PDCD11: variants seen among roughly 807,000 people sequenced by gnomAD.
PDCD11 encodes the protein programmed cell death 11.
In PDCD11, 97 loss-of-function variants were observed where a neutral mutation model predicts 198.9. The observed-to-expected ratio is 0.49, with a 90% CI of 0.41 to 0.58. PDCD11 has a LOEUF of 0.58. PDCD11 is among the 20% of genes least tolerant of loss of function. The probability of loss-of-function intolerance (pLI) is 0.00; values close to 1 mark genes in which losing one functional copy is unlikely to be tolerated. For synonymous variants in PDCD11, 893 were observed against 918.0 expected (o/e 0.97, Z 0.49); for missense variants, 2,102 against 2,312.7 (o/e 0.91, Z 1.87).
Position 103,413,992 on chromosome 10 carries a change from C to T in PDCD11, c.1212C>T (p.Asn404=), listed in dbSNP as rs752606049. The change falls in exon 10 of 36, where the codon AAC becomes AAT. Residue 404 remains asparagine (N), a synonymous_variant. Transcript: ENST00000369797. ...TCAGCCATCTCTCTGATTCTAAGAA[C>T]GTCTTCAATCCTGAGGCCTTCAAGC... ...ARLSHLSDSK[N]VFNPEAFKPG... is the part of the protein sequence containing the mutation. 5.6e-5 allele frequency: 90 copies of T among 1,612,716 alleles called. No individual in the cohort carries two copies. The highest frequency in any genetic ancestry group is 1.1e-4 in the East Asian group (5 of 44,888).
intron 2 of PDCD11, among the ~76,000 whole-genome samples, 173 bp from the exon 3 acceptor site, chr10:103,400,224 C>CG (rs2029926359): frequency 7.0e-6 from 1 of 142,148 alleles, no homozygotes; most frequent in Non-Finnish European, 1.6e-5. Context: ...GCGGCCCCCC[C>CG]CCTTTTTTTT....
intron 18 of PDCD11, 36 bp from the exon 19 acceptor site, chr10:103,423,507 C>G (rs772533884): frequency 8.2e-6 from 12 of 1,471,948 alleles, no homozygotes; most frequent in Non-Finnish European, 1.1e-5. Context: ...TCACTCTGTT[C>G]CAGAAGGATA....
Position 103,442,544 on chromosome 10 carries a change from G to A in PDCD11, c.4955+84G>A, listed in dbSNP as rs530106320. On this transcript the variant is annotated intron_variant, in intron 32 of 35. Coordinates refer to ENST00000369797, the MANE Select transcript of PDCD11 (RefSeq NM_014976.2). Reference sequence around the variant, plus strand: ...TCAACCTGTGGGGTAGCTCCTCCTAGGCAGGCCGGCAGCATTTTGGGTGGC... The same window carrying A: ...TCAACCTGTGGGGTAGCTCCTCCTAAGCAGGCCGGCAGCATTTTGGGTGGC... 5.4e-6 allele frequency: 8 copies of A among 1,492,096 alleles called. No individual in the cohort carries two copies. The African/African-American group carries it at 6.9e-5, about 13-fold the overall frequency. The allele number at this position is 1,492,096 out of a possible 1,614,324, so 92.4% of individuals were successfully genotyped here. A position where few individuals can be genotyped will look rare whatever the true frequency, so the allele number is the denominator to read the frequency against.
rs772049374 is a variant in PDCD11 at position 103,442,199 on chromosome 10, G to T, written c.4708-14G>T. On this transcript the variant is annotated splice_polypyrimidine_tract_variant and intron_variant, in intron 31 of 35. Coordinates refer to ENST00000369797, the MANE Select transcript of PDCD11 (RefSeq NM_014976.2). The stretch of plus-strand genomic sequence containing the variant: ...GGAGCAGATGACTCACGGTGTTTCT[G>T]CTTTCCATAGCAGATAAAGAAAAGC... The T allele has an allele frequency of 6.2e-7, 1 of 1,612,940 alleles. No homozygotes were observed. The highest frequency in any genetic ancestry group is 1.7e-5 in the Admixed American group (1 of 59,954).
chr10:103,443,988 C>T lies in PDCD11; in HGVS notation c.5198C>T (p.Ala1733Val). Residue 1733 changes from alanine (A) to valine (V), a missense_variant, in exon 34 of 36, where the codon GCC (alanine) becomes GTC (valine). By Grantham distance (64) the Ala-to-Val change is moderately conservative. Coordinates refer to ENST00000369797, the MANE Select transcript of PDCD11 (RefSeq NM_014976.2). Reference protein sequence around the residue: ...QEKAVWIKYGAFLLRRSQAAA... With the variant: ...QEKAVWIKYGVFLLRRSQAAA... Reference sequence around the variant, plus strand: ...AAAGCTGTGTGGATCAAATACGGCGCCTTCCTTCTGCGGAGGAGCCAGGCT... The same window carrying T: ...AAAGCTGTGTGGATCAAATACGGCGTCTTCCTTCTGCGGAGGAGCCAGGCT... 6.2e-7 allele frequency: 1 copy of T among 1,613,898 alleles called. No individual in the cohort carries two copies. The highest frequency in any genetic ancestry group is 8.5e-7 in the Non-Finnish European group (1 of 1,180,010).
rs766497631 is a variant in PDCD11, at chr10:103,445,594, G to A, written c.*45G>A. On this transcript the variant is annotated 3_prime_UTR_variant, in exon 36 of 36. Coordinates refer to ENST00000369797, the MANE Select transcript of PDCD11 (RefSeq NM_014976.2). ...GACACTGTCAACAATGGGCCAGCCC[G>A]GCCCCGCCTCGAGTGCCTGGGCACT... 11 of 1,567,340 alleles carry A rather than the reference G, an allele frequency of 7.0e-6. No homozygotes were observed. The highest frequency in any genetic ancestry group is 2.7e-5 in the African/African-American group (2 of 73,728).
chr10:103,428,016 A>G (rs1210811232), intron 21 of PDCD11, among the ~76,000 whole-genome samples: 1 of 152,144 alleles, frequency 6.6e-6, no homozygotes, highest in African/African-American at 2.4e-5. Context: ...CTCCAAAGTA[A>G]CTTCCAGAGC....
In PDCD11 at chr10:103,438,773, T is replaced by C. The variant is rs41287498; in HGVS notation, c.3990T>C (p.Tyr1330=). Residue 1330 remains tyrosine (Y), a synonymous_variant, in exon 27 of 36, where the codon TAT becomes TAC. Transcript: ENST00000369797. ...DIKEGQLLRG[Y]VGSIQPHGVF... ...AGGAAGGGCAGCTTCTGAGGGGCTA[T>C]GTAGGGTCCATCCAGCCACACGGTG... The C allele has an allele frequency of 9.7e-4, 1,571 of 1,614,078 alleles. 2 individuals carry two copies. Among genetic ancestry groups the C allele is most frequent in the Non-Finnish European group, 1.2e-3 (1,412 of 1,180,002 alleles).
At chr10:103,425,610 G>T (rs1056765632) in intron 20 of PDCD11, 85 bp downstream of exon 20, 45 of 1,185,418 alleles carry the variant, frequency 3.8e-5, no homozygotes, top group Non-Finnish European at 5.3e-5. Context: ...GCTCCAAAAA[G>T]TTGCATGTAA....
intron 25 of PDCD11, 58 bp downstream of exon 25, chr10:103,435,033 A>G: frequency 1.5e-6 from 2 of 1,322,826 alleles, no homozygotes. Flanking sequence ...ATTTAAAAAA[A>G]AACGTTGTTG....
chr10:103,419,607 A>G lies in PDCD11; in HGVS notation c.2176A>G (p.Ile726Val), dbSNP rs753849863. ...CCAGGATCCCAAGAACTTCTCAGAA[A>G]TCCATCCTGGAATGCTGCTCATTGG... ...GGQDPKNFSE[I>V]HPGMLLIGFV... The change falls in exon 16 of 36, where the codon ATC (isoleucine) becomes GTC (valine). Residue 726 changes from isoleucine (I) to valine (V), a missense_variant. By Grantham distance (29) the Ile-to-Val change is conservative. Coordinates refer to ENST00000369797, the MANE Select transcript of PDCD11 (RefSeq NM_014976.2). 3 of 1,614,060 alleles carry G rather than the reference A, an allele frequency of 1.9e-6. No homozygotes were observed. Among genetic ancestry groups the G allele is most frequent in the Non-Finnish European group, 2.5e-6 (3 of 1,179,982 alleles).
At chr10:103,408,490 G>T (rs2030596509) in intron 7 of PDCD11, among the ~76,000 whole-genome samples, 1 of 152,026 alleles carries the variant, frequency 6.6e-6, no homozygotes, top group African/African-American at 2.4e-5. Flanking sequence ...AAGTCTATGT[G>T]CCTGTGTGGG....
chr10:103,444,010 G>GGCTGCAGCCAGTCACCGCGT lies in PDCD11; in HGVS notation c.5229_5248dup (p.Arg1750ProfsTer46). ...GCGCCTTCCTTCTGCGGAGGAGCCAGGCTGCAGCCAGTCACCGCGTGCTGC... is the reference window on the plus strand; with the variant it reads ...GCGCCTTCCTTCTGCGGAGGAGCCAGGCTGCAGCCAGTCACCGCGTGCTGCAGCCAGTCACCGCGTGCTGC... On this transcript the variant is annotated frameshift_variant, in exon 34 of 36. Transcript: ENST00000369797. LOFTEE classifies it high-confidence loss of function. 1 of 1,613,296 alleles carries GGCTGCAGCCAGTCACCGCGT rather than the reference G, an allele frequency of 6.2e-7. No individual in the cohort carries two copies. Among genetic ancestry groups the GGCTGCAGCCAGTCACCGCGT allele is most frequent in the Non-Finnish European group, 8.5e-7 (1 of 1,180,034 alleles).
At chr10:103,405,377 G>A (rs915312096) in intron 5 of PDCD11, 194 bp downstream of exon 5, 3 of 484,066 alleles carry the variant, frequency 6.2e-6, no homozygotes, top group Non-Finnish European at 7.3e-6. Flanking sequence ...CATTACATTG[G>A]AGAAGAGAAA....
chr10:103,434,676 A>G (rs2032075656), intron 24 of PDCD11, 122 bp from the exon 25 acceptor site: 5 of 733,042 alleles, frequency 6.8e-6, no homozygotes, highest in African/African-American at 3.6e-5. Flanking sequence ...GTTCTGGATC[A>G]CTCAGCCCAG....
rs2031197989 is a variant in PDCD11 at position 103,417,858 on chromosome 10, T to C, written c.1837T>C (p.Ser613Pro). The change falls in exon 14 of 36, where the codon TCG becomes CCG. Residue 613 changes from serine to proline, a missense_variant. By Grantham distance (74) the Ser-to-Pro change is moderately conservative. Coordinates refer to ENST00000369797, the MANE Select transcript of PDCD11 (RefSeq NM_014976.2). Reference protein sequence around the residue: ...KERMLLSFKLSSDPEPKKEPA... With the variant: ...KERMLLSFKLPSDPEPKKEPA... ...GAGGATGCTCTTATCCTTCAAGCTG[T>C]CGAGTGATCCAGAGCCAAAGAAAGA... The C allele has an allele frequency of 6.2e-7, 1 of 1,614,128 alleles. No homozygotes were observed. Among genetic ancestry groups the C allele is most frequent in the South Asian group, 1.1e-5 (1 of 91,086 alleles).
In PDCD11 at chr10:103,425,289, G is replaced by A. The variant is rs1564769775; in HGVS notation, c.3069G>A (p.Leu1023=). 5.0e-6 allele frequency: 8 copies of A among 1,614,132 alleles called. No individual in the cohort carries two copies. In the South Asian group the frequency reaches 8.8e-5, roughly 18 times the overall value. ...AGGATGAAGAAGTGGATCCAGCTCT[G>A]ACTGTAGGGACCATAAAGAAGCACA... ...VDEDEEVDPA[L]TVGTIKKHTL... is the part of the protein sequence containing the mutation. Residue 1023 remains leucine, a synonymous_variant, in exon 20 of 36, where the codon CTG becomes CTA. Transcript: ENST00000369797.
At position 103,404,952 on chromosome 10, in the gene PDCD11, A is replaced by G. The variant is rs536410764; in HGVS notation, c.403-70A>G. On this transcript the variant is annotated intron_variant, in intron 4 of 35. Transcript: ENST00000369797. ...TCTGAGGATGAGAAGTCACTGAGCC[A>G]AAGCTGGGTAATGGATTTTTGGTTC... The G allele has an allele frequency of 2.0e-6, 3 of 1,473,882 alleles. No individual in the cohort carries two copies. The African/African-American group carries it at 4.2e-5, about 21-fold the overall frequency. The allele number at this position is 1,473,882 out of a possible 1,614,324, so 91.3% of individuals were successfully genotyped here. A position where few individuals can be genotyped will look rare whatever the true frequency, so the allele number is the denominator to read the frequency against.
Position 103,442,318 on chromosome 10 carries a change from G to A in PDCD11, c.4813G>A (p.Ala1605Thr), listed in dbSNP as rs763397616. ...LMDPGRQPES[A>T]DDFDRLVLSS... ...GGATCCTGGGCGGCAGCCAGAGTCC[G>A]CGGATGATTTTGACCGACTGGTGCT... is the stretch of plus-strand genomic sequence containing the variant. Residue 1605 changes from alanine to threonine, a missense_variant, in exon 32 of 36, where the codon GCG becomes ACG. Ala to Thr is a moderately conservative substitution (Grantham distance 58). Transcript: ENST00000369797. The A allele has an allele frequency of 3.9e-5, 63 of 1,614,122 alleles. No homozygotes were observed. The highest frequency in any genetic ancestry group is 4.9e-5 in the Non-Finnish European group (58 of 1,180,048).
Sources: allele counts gnomAD v4.1 joint callset (sites outside exome capture counted in the v4.1 genomes callset), GRCh38; gene constraint gnomAD v4.1.1; transcripts MANE v1.5; gene names NCBI Gene and HGNC (gene_info 2026-07-23, HGNC 2026-07-21).